The following CERS6 variants were observed in gnomAD, a reference collection of about 807,000 sequenced individuals.
CERS6 encodes the protein ceramide synthase 6.
CERS6 carries 26 observed loss-of-function variants against 56.8 expected under a neutral mutation model. The observed-to-expected ratio is 0.46, with a 90% confidence interval of 0.34 to 0.63. The LOEUF is 0.63. CERS6 is among the 30% of genes least tolerant of loss of function. CERS6 has a pLI of 0.01. For synonymous variants in CERS6, 164 were observed against 173.3 expected, an observed-to-expected ratio of 0.95 and a Z score of 0.42; for missense variants, 415 against 467.5, an observed-to-expected ratio of 0.89 and a Z score of 1.04.
intron 8 of CERS6, among the ~76,000 whole-genome samples, chr2:168,742,816 A>G (rs1029219262): frequency 6.6e-6 from 1 of 152,164 alleles, no homozygotes; most frequent in African/African-American, 2.4e-5. Context: ...GGGTCTTTGT[A>G]TAAGGTGTTT....
chr2:168,480,434 A>G (rs1431096397), intron 1 of CERS6, among the ~76,000 whole-genome samples: 3 of 152,218 alleles, frequency 2.0e-5, no homozygotes, highest in African/African-American at 7.2e-5. Context: ...TAGCTGGAAG[A>G]GAACTTTGAA....
intron 6 of CERS6, among the ~76,000 whole-genome samples, chr2:168,710,047 G>A (rs1317671298): frequency 6.6e-6 from 1 of 152,014 alleles, no homozygotes; most frequent in Non-Finnish European, 1.5e-5. Context: ...TTGGTCTTCT[G>A]CCACGGGCAT....
chr2:168,708,524 T>C (rs1030066664), intron 6 of CERS6, among the ~76,000 whole-genome samples: 4 of 152,182 alleles, frequency 2.6e-5, no homozygotes, highest in African/African-American at 9.6e-5. Context: ...TGAAATCAGC[T>C]TTAAGCTATG....
intron 1 of CERS6, among the ~76,000 whole-genome samples, chr2:168,506,062 TTTC>T (rs1301173988): frequency 1.3e-5 from 2 of 152,182 alleles, no homozygotes; most frequent in Non-Finnish European, 2.9e-5. Flanking sequence ...TCTTTCTCCT[TTTC>T]TATTCTTTTT....
chr2:168,661,655 T>G (rs1402995484), intron 4 of CERS6, among the ~76,000 whole-genome samples: 2 of 152,256 alleles, frequency 1.3e-5, no homozygotes, highest in African/African-American at 2.4e-5. Flanking sequence ...CTTTCTCTCA[T>G]GCATTCAGGG....
intron 1 of CERS6, among the ~76,000 whole-genome samples, chr2:168,545,391 T>G (rs1337560824): frequency 1.3e-5 from 2 of 152,228 alleles, no homozygotes; most frequent in African/African-American, 4.8e-5. Flanking sequence ...AGTGGTATGC[T>G]GTTGCATTCA....
At chr2:168,663,859 T>C (rs970266878) in intron 4 of CERS6, among the ~76,000 whole-genome samples, 2 of 152,186 alleles carry the variant, frequency 1.3e-5, no homozygotes, top group African/African-American at 4.8e-5. Context: ...GTTGCTTTGT[T>C]TTTTGGTCTT....
At chr2:168,645,819 C>T (rs984434269) in intron 4 of CERS6, among the ~76,000 whole-genome samples, 11 of 152,160 alleles carry the variant, frequency 7.2e-5, no homozygotes, top group Non-Finnish European at 1.5e-5. Flanking sequence ...TGTTAGTTTG[C>T]TAAAGATAAT....
At chr2:168,509,489 A>T (rs1694739792) in intron 1 of CERS6, among the ~76,000 whole-genome samples, 1 of 152,148 alleles carries the variant, frequency 6.6e-6, no homozygotes. Flanking sequence ...TTTAGGAAGG[A>T]TAGCGGTGGC....
intron 1 of CERS6, among the ~76,000 whole-genome samples, chr2:168,540,212 TG>T (rs890086858): frequency 7.2e-5 from 11 of 151,952 alleles, no homozygotes; most frequent in Admixed American, 6.6e-4. Flanking sequence ...CAGTTAATTA[TG>T]GGGGGTGGAG....
At chr2:168,482,070 C>G (rs908274397) in intron 1 of CERS6, among the ~76,000 whole-genome samples, 10 of 152,258 alleles carry the variant, frequency 6.6e-5, no homozygotes, top group African/African-American at 2.4e-4. Flanking sequence ...AGTTAGAGCA[C>G]AAGTGCTGAA....
chr2:168,588,726 T>C (rs1174487518), intron 3 of CERS6, among the ~76,000 whole-genome samples: 2 of 152,228 alleles, frequency 1.3e-5, no homozygotes, highest in Non-Finnish European at 2.9e-5. Context: ...TACAAATAGT[T>C]GTTCAAGACC....
At chr2:168,513,090 G>A (rs1038337032) in intron 1 of CERS6, among the ~76,000 whole-genome samples, 1 of 152,106 alleles carries the variant, frequency 6.6e-6, no homozygotes, top group African/African-American at 2.4e-5. Flanking sequence ...TGAGATTGGG[G>A]CACTAAAATG....
chr2:168,617,110 A>G, intron 3 of CERS6, among the ~76,000 whole-genome samples: 1 of 152,226 alleles, frequency 6.6e-6, no homozygotes, highest in Admixed American at 6.5e-5. Context: ...CATGGATATT[A>G]AATAACCTGC....
chr2:168,541,673 A>G (rs1449052213), intron 1 of CERS6, among the ~76,000 whole-genome samples: 1 of 152,176 alleles, frequency 6.6e-6, no homozygotes, highest in Non-Finnish European at 1.5e-5. Context: ...TGTTTTGTTA[A>G]TAGGCAGTTT....
chr2:168,676,337 C>T (rs1686058853), intron 4 of CERS6, among the ~76,000 whole-genome samples: 2 of 152,126 alleles, frequency 1.3e-5, no homozygotes, highest in Non-Finnish European at 2.9e-5. Flanking sequence ...GGTTTTTTAT[C>T]ATGCATTGGT....
At chr2:168,539,608 CACATGCACATGTATATGTCTAA>C (rs1335586212) in intron 1 of CERS6, among the ~76,000 whole-genome samples, 6 of 152,164 alleles carry the variant, frequency 3.9e-5, no homozygotes, top group Non-Finnish European at 7.3e-5. Flanking sequence ...CTCACTCAGG[CACATGCACATGTATATGTCTAA>C]ACATGCACCT....
chr2:168,506,324 G>A (rs11886077), intron 1 of CERS6, among the ~76,000 whole-genome samples: 6,067 of 151,872 alleles, frequency 0.04, 222 homozygotes, highest in East Asian at 0.18. Flanking sequence ...TCTTCCAGTC[G>A]ACCTGATGTG....
intron 8 of CERS6, among the ~76,000 whole-genome samples, chr2:168,746,682 T>C (rs1267485029): frequency 6.6e-6 from 1 of 150,502 alleles, no homozygotes; most frequent in East Asian, 2.0e-4. Context: ...ATCCTAAAGA[T>C]GTTCAGCCCT....
Sources: allele counts gnomAD v4.1 joint callset (sites outside exome capture counted in the v4.1 genomes callset), GRCh38; gene constraint gnomAD v4.1.1; transcripts MANE v1.5; gene names NCBI Gene and HGNC (gene_info 2026-07-23, HGNC 2026-07-21).